The following CCND2 variants were observed in gnomAD, a reference collection of about 807,000 sequenced individuals.
The protein encoded by CCND2 is G1/S-specific cyclin-D2.
Under a neutral mutation model 30.2 loss-of-function variants are expected in CCND2, and 6 were observed. The ratio of observed to expected loss-of-function variants is 0.20; its 90% CI spans 0.11 to 0.39. The LOEUF is 0.39. Ranked by LOEUF, CCND2 falls within the 10% of genes least tolerant of loss-of-function variation. The probability of loss-of-function intolerance (pLI) is 1.00; values close to 1 mark genes in which losing one functional copy is unlikely to be tolerated. For missense variants in CCND2, 235 were observed against 373.4 expected (o/e 0.63, Z 3.06); for synonymous variants, 150 against 153.1 (o/e 0.98, Z 0.15).
At chr12:4,290,888 T>C (rs1449011854) in intron 4 of CCND2, among the ~76,000 whole-genome samples, 1 of 152,206 alleles carries the variant, frequency 6.6e-6, no homozygotes, top group Non-Finnish European at 1.5e-5. Context: ...ATGAAGTGGG[T>C]ACGAAGCTGG....
In CCND2 at chr12:4,292,468, G is replaced by A. The variant is rs541455947; in HGVS notation, c.720+3478G>A. 7.9e-5 allele frequency among the ~76,000 whole-genome samples: 12 copies of A among 152,166 alleles called. No homozygotes were observed. In the South Asian group the frequency reaches 2.5e-3, roughly 32 times the overall value. The stretch of plus-strand genomic sequence containing the variant: ...CGTGGGTTGTCGGGGATCGAGCTGT[G>A]GAAAGAGGGTCCCCCTGATTCTTGT... On this transcript the variant is annotated intron_variant, in intron 4 of 4. Transcript: ENST00000261254.
intron 4 of CCND2, among the ~76,000 whole-genome samples, chr12:4,292,443 C>T (rs920225620): frequency 2.6e-5 from 4 of 152,068 alleles, no homozygotes; most frequent in Non-Finnish European, 4.4e-5. Context: ...GGGGTTAGGT[C>T]GTGGGTTGTC....
At chr12:4,284,849 C>T (rs1864001110) in intron 3 of CCND2, among the ~76,000 whole-genome samples, 1 of 151,156 alleles carries the variant, frequency 6.6e-6, no homozygotes, top group East Asian at 1.9e-4. Flanking sequence ...GATTCTCTTG[C>T]CCAAGCCTCC....
rs976936457 is a variant in CCND2, at chr12:4,288,855, C to A, written c.585C>A (p.Ala195=). 4 of 1,612,668 alleles carry A rather than the reference C, an allele frequency of 2.5e-6. No individual in the cohort carries two copies. The highest frequency in any genetic ancestry group is 3.4e-6 in the Non-Finnish European group (4 of 1,179,374). Reference sequence around the variant, plus strand: ...CATTCCTTGCAGACTTTAAGTTTGCCATGTACCCACCGTCGATGATCGCAA... The same window carrying A: ...CATTCCTTGCAGACTTTAAGTTTGCAATGTACCCACCGTCGATGATCGCAA... The part of the protein sequence containing the change: ...IALCATDFKF[A]MYPPSMIATG... Residue 195 remains alanine (A), a synonymous_variant, in exon 4 of 5, where the codon GCC becomes GCA. Transcript: ENST00000261254.
chr12:4,288,633 T>C (rs1864055342), intron 3 of CCND2, among the ~76,000 whole-genome samples: 2 of 152,144 alleles, frequency 1.3e-5, no homozygotes, highest in Admixed American at 1.3e-4. Context: ...CCTGCCTCAG[T>C]CTCCTTCGTT....
chr12:4,279,518 G>T (rs1273727777), intron 3 of CCND2, among the ~76,000 whole-genome samples: 4 of 152,086 alleles, frequency 2.6e-5, no homozygotes, highest in Non-Finnish European at 5.9e-5. Flanking sequence ...CTTTCTGAGC[G>T]CTGGGTTCTG....
chr12:4,291,654 G>A (rs1223512088), intron 4 of CCND2, among the ~76,000 whole-genome samples: 3 of 152,158 alleles, frequency 2.0e-5, no homozygotes, highest in East Asian at 3.8e-4. Flanking sequence ...AAAAGAAGGA[G>A]CTCATCAGGC....
chr12:4,296,997 G>T (rs527793980), intron 4 of CCND2, among the ~76,000 whole-genome samples: 5 of 152,166 alleles, frequency 3.3e-5, no homozygotes, highest in African/African-American at 4.8e-5. Context: ...CTCACACCAC[G>T]ATGATTCTGG....
At chr12:4,289,028 CT>C in intron 4 of CCND2, 38 bp downstream of exon 4, 1 of 1,559,022 alleles carries the variant, frequency 6.4e-7, no homozygotes, top group Non-Finnish European at 8.7e-7. Context: ...GTCCAGATGT[CT>C]CTTCTCAGCT....
At position 4,302,622 on chromosome 12, in the gene CCND2, G is replaced by C. The variant is rs1180186265; in HGVS notation, c.*2613G>C. The C allele has an allele frequency of 8.6e-6, 2 of 233,152 alleles. 1 individual carries two copies. The highest frequency in any genetic ancestry group is 3.6e-4 in the South Asian group (2 of 5,534). 14.4% of individuals were successfully genotyped at this position (233,152 alleles called of 1,614,324 possible). On this transcript the variant is annotated 3_prime_UTR_variant, in exon 5 of 5. Coordinates refer to ENST00000261254, the MANE Select transcript of CCND2 (RefSeq NM_001759.4). ...AACTGCGCAGGCAAGCACTATGCAA[G>C]CCCAGGCCCTCTGCTGAGCGGTACT...
Position 4,299,408 on chromosome 12 carries a change from T to C in CCND2, c.721-452T>C, listed in dbSNP as rs947450165. On this transcript the variant is annotated intron_variant, in intron 4 of 4. Coordinates refer to ENST00000261254, the MANE Select transcript of CCND2 (RefSeq NM_001759.4). The surrounding 1 kb of genome is among the most constrained non-coding windows in gnomAD (Gnocchi z 5.2). Reference sequence around the variant, plus strand: ...CGTTGGTTCATTGGCTTCCTTCTTATCTAGTTCTCGGGCTGAGTTTGCTAA... The same window carrying C: ...CGTTGGTTCATTGGCTTCCTTCTTACCTAGTTCTCGGGCTGAGTTTGCTAA... 1.3e-5 allele frequency among the ~76,000 whole-genome samples: 2 copies of C among 152,202 alleles called. No homozygotes were observed. Among genetic ancestry groups the C allele is most frequent in the Non-Finnish European group, 2.9e-5 (2 of 68,034 alleles).
intron 4 of CCND2, chr12:4,297,685 G>A: frequency 4.7e-6 from 1 of 214,036 alleles, no homozygotes; most frequent in Non-Finnish European, 1.0e-5. Context: ...GGTCCTTGAG[G>A]GAAGAACTTG....
At chr12:4,297,583 A>C (rs1864189988) in intron 4 of CCND2, among the ~76,000 whole-genome samples, 1 of 151,264 alleles carries the variant, frequency 6.6e-6, no homozygotes, top group African/African-American at 2.4e-5. Context: ...AAAAAAAAAA[A>C]AAAAAAAAAA....
intron 3 of CCND2, among the ~76,000 whole-genome samples, chr12:4,283,140 T>A (rs1484444069): frequency 5.3e-5 from 8 of 152,228 alleles, no homozygotes; most frequent in Non-Finnish European, 1.0e-4. Flanking sequence ...ACTCTTTATT[T>A]GGTAAAATCC....
intron 2 of CCND2, among the ~76,000 whole-genome samples, chr12:4,278,167 TC>T (rs1230453229): frequency 6.6e-6 from 1 of 152,202 alleles, no homozygotes; most frequent in Non-Finnish European, 1.5e-5. Flanking sequence ...GAGTGTCACA[TC>T]CCCAGAATTT....
rs1259132783 is a variant in CCND2, at chr12:4,287,003, GAA to G, written c.572-1837_572-1836del. ...GGAGCTAACGAGGTTATTGGGCAGA[GAA>G]ACACTCTCCTGTGACCCATGTGGAA... On this transcript the variant is annotated intron_variant, in intron 3 of 4. Coordinates refer to ENST00000261254, the MANE Select transcript of CCND2 (RefSeq NM_001759.4). This position sits in a 1 kb window ranked among gnomAD's most constrained non-coding sequence, Gnocchi z 4.0. 6.6e-6 allele frequency among the ~76,000 whole-genome samples: 1 copy of G among 152,242 alleles called. No individual in the cohort carries two copies. Among genetic ancestry groups the G allele is most frequent in the African/African-American group, 2.4e-5 (1 of 41,468 alleles).
At position 4,301,413 on chromosome 12, in the gene CCND2, A is replaced by G. The variant is rs1442283067; in HGVS notation, c.*1404A>G. The G allele has an allele frequency of 4.4e-6, 1 of 229,374 alleles. No individual in the cohort carries two copies. Among genetic ancestry groups the G allele is most frequent in the African/African-American group, 2.3e-5 (1 of 44,064 alleles). The allele number at this position is 229,374 out of a possible 1,614,324, so 14.2% of individuals were successfully genotyped here. A position where few individuals can be genotyped will look rare whatever the true frequency, so the allele number is the denominator to read the frequency against. ...GCAAAGTTGTATTCAGCGTACTTGA[A>G]TTTTTCTTCCTCTCCACTTCTTAGA... On this transcript the variant is annotated 3_prime_UTR_variant, in exon 5 of 5. Coordinates refer to ENST00000261254, the MANE Select transcript of CCND2 (RefSeq NM_001759.4).
In CCND2 at chr12:4,281,637, G is replaced by A. The variant is rs894624084; in HGVS notation, c.571+2718G>A. Among the ~76,000 whole-genome samples the A allele has an allele frequency of 4.7e-4, 72 of 152,220 alleles. 1 individual carries two copies. Among genetic ancestry groups the A allele is most frequent in the African/African-American group, 1.3e-3 (55 of 41,532 alleles). The stretch of plus-strand genomic sequence containing the variant: ...ACAGTGGGTGGAGGGTGGGGGTCCC[G>A]AGAGATGGCCGCCAACCCTCAGGCC... On this transcript the variant is annotated intron_variant, in intron 3 of 4. Coordinates refer to ENST00000261254, the MANE Select transcript of CCND2 (RefSeq NM_001759.4).
At chr12:4,297,813 C>T (rs80098540) in intron 4 of CCND2, 12 of 450,290 alleles carry the variant, frequency 2.7e-5, no homozygotes, top group African/African-American at 1.2e-4. Context: ...GCCACAGGAA[C>T]GTCTGAGAGG....
Sources: gnomAD v4.1 joint callset for allele counts (sites outside exome capture counted in the v4.1 genomes callset) on GRCh38, gnomAD v4.1.1 for gene constraint, Gnocchi (gnomAD v3.1) non-coding constraint, MANE v1.5 for transcripts, NCBI Gene and HGNC (gene_info 2026-07-23, HGNC 2026-07-21) for gene names.